KIAA2013: variants seen among roughly 807,000 people sequenced by gnomAD.
KIAA2013 encodes the protein uncharacterized protein KIAA2013.
KIAA2013 carries 20 observed loss-of-function variants against 39.9 expected under a neutral mutation model. That is an observed-to-expected ratio of 0.50 (90% CI 0.35 to 0.73). KIAA2013 has a LOEUF of 0.73. Ranked by LOEUF, KIAA2013 falls within the 30% of genes least tolerant of loss-of-function variation. The pLI is 0.01. For missense variants in KIAA2013, 587 were observed against 856.1 expected (o/e 0.69, Z 3.92); for synonymous variants, 336 against 416.6 (o/e 0.81, Z 2.35).
At position 11,925,633 on chromosome 1, in the gene KIAA2013, T is replaced by C; in HGVS notation, c.605A>G (p.Tyr202Cys). 4 of 1,609,272 alleles carry C rather than the reference T, an allele frequency of 2.5e-6. No homozygotes were observed. Among genetic ancestry groups the C allele is most frequent in the Non-Finnish European group, 3.4e-6 (4 of 1,179,296 alleles). ...FLAHRGRPHV[Y>C]LQRIQLNNPT... Reference sequence around the variant, plus strand: ...GTTGTTGAGCTGGATGCGCTGCAGGTAGACGTGGGGTCGGCCCCTGTGCGC... The same window carrying C: ...GTTGTTGAGCTGGATGCGCTGCAGGCAGACGTGGGGTCGGCCCCTGTGCGC... Residue 202 changes from tyrosine (Y) to cysteine (C), a missense_variant, in exon 1 of 3, where the codon TAC becomes TGC. Physicochemically the swap from Tyr to Cys is radical, Grantham distance 194 (BLOSUM62 -2). Transcript: ENST00000376572. This position sits in a 1 kb window ranked among gnomAD's most constrained non-coding sequence, Gnocchi z 5.2.
Position 11,923,248 on chromosome 1 carries a change from C to T in KIAA2013, c.1275G>A (p.Gln425=), listed in dbSNP as rs753473130. 1 of 1,613,720 alleles carries T rather than the reference C, an allele frequency of 6.2e-7. No homozygotes were observed. The highest frequency in any genetic ancestry group is 1.1e-5 in the South Asian group (1 of 91,048). ...GGGTCAGCCTCCACAGGTCAGAGAG[C>T]TGCAGGATCTGCTGGACGGAGGACA... ...GRLSSVQQIL[Q]LSDLWRLTLQ... is the part of the protein sequence containing the mutation. Residue 425 remains glutamine (Q), a synonymous_variant, in exon 2 of 3, where the codon CAG becomes CAA. Coordinates refer to ENST00000376572, the MANE Select transcript of KIAA2013 (RefSeq NM_138346.3). The surrounding 1 kb of genome is among the most constrained non-coding windows in gnomAD (Gnocchi z 4.6).
At position 11,926,172 on chromosome 1, in the gene KIAA2013, G is replaced by A. The variant is rs112019995; in HGVS notation, c.66C>T (p.Leu22=). Residue 22 remains leucine, a synonymous_variant, in exon 1 of 3, where the codon CTC becomes CTT. Coordinates refer to ENST00000376572, the MANE Select transcript of KIAA2013 (RefSeq NM_138346.3). ...GCAGCAGGAGGCCAAGCAGGCAGAG[G>A]AGGCGGCGGGCCCAGCTGCTCGACA... ...GLLSSSWARR[L]LCLLGLLLLL... 0.047 allele frequency: 65,845 copies of A among 1,391,440 alleles called. 1,780 individuals are homozygous for A. Among genetic ancestry groups the A allele is most frequent in the Middle Eastern group, 0.055 (205 of 3,748 alleles). The allele number at this position is 1,391,440 out of a possible 1,614,324, so 86.2% of individuals were successfully genotyped here.
Position 11,925,884 on chromosome 1 carries a change from C to T in KIAA2013, c.354G>A (p.Val118=). The T allele has an allele frequency of 6.5e-7, 1 of 1,527,608 alleles. No homozygotes were observed. Among genetic ancestry groups the T allele is most frequent in the Non-Finnish European group, 8.7e-7 (1 of 1,144,244 alleles). The allele number at this position is 1,527,608 out of a possible 1,614,324, so 94.6% of individuals were successfully genotyped here. ...WVTPGEREPA[V]APDFVPFVQL... ...GCACGAAGGGCACAAAGTCCGGCGC[C>T]ACGGCGGGCTCCCGCTCCCCGGGAG... The change falls in exon 1 of 3, where the codon GTG becomes GTA. Residue 118 remains valine, a synonymous_variant. Transcript: ENST00000376572. The surrounding 1 kb of genome is among the most constrained non-coding windows in gnomAD (Gnocchi z 5.2).
chr1:11,921,198 G>A (rs1377724999), intron 2 of KIAA2013, among the ~76,000 whole-genome samples: 1 of 152,154 alleles, frequency 6.6e-6, no homozygotes. Context: ...TTCTCCTGAG[G>A]AAGCACAGAA....
rs754851072 is a variant in KIAA2013 at position 11,925,505 on chromosome 1, G to A, written c.733C>T (p.Leu245Phe). ...GGCGGGGACCGGCCTGAGTAGAGGA[G>A]GAACTGATGGTCTCCGACCTTCTCC... The part of the protein sequence containing the change: ...TLEKVGDHQF[L>F]LYSGRSPPTP... Residue 245 changes from leucine (L) to phenylalanine (F), a missense_variant, in exon 1 of 3, where the codon CTC (leucine) becomes TTC (phenylalanine). Physicochemically the swap from Leu to Phe is conservative, Grantham distance 22. Transcript: ENST00000376572. The surrounding 1 kb of genome is among the most constrained non-coding windows in gnomAD (Gnocchi z 5.2). 2 of 1,605,376 alleles carry A rather than the reference G, an allele frequency of 1.2e-6. No individual in the cohort carries two copies. The highest frequency in any genetic ancestry group is 1.1e-5 in the South Asian group (1 of 90,562).
intron 2 of KIAA2013, 72 bp from the exon 3 acceptor site, chr1:11,920,404 A>G: frequency 6.7e-7 from 1 of 1,503,048 alleles, no homozygotes; most frequent in South Asian, 1.1e-5. Flanking sequence ...GAAATAGGCT[A>G]CGGAGACAAC....
In KIAA2013 at chr1:11,923,148, C is replaced by A. The variant is rs779817051; in HGVS notation, c.1375G>T (p.Gly459Trp). 2 of 1,612,346 alleles carry A rather than the reference C, an allele frequency of 1.2e-6. No homozygotes were observed. The highest frequency in any genetic ancestry group is 2.2e-5 in the East Asian group (1 of 44,870). ...GILQGMVLSF[G>W]GLQFTENHLQ... is the part of the protein sequence containing the mutation. ...TGGTTCTCTGTGAACTGCAGCCCCC[C>A]AAAGCTGAGCACCATCCCCTGCAGG... The change falls in exon 2 of 3, where the codon GGG becomes TGG. Residue 459 changes from glycine to tryptophan, a missense_variant. Gly to Trp is a radical substitution (Grantham distance 184, BLOSUM62 -2). Coordinates refer to ENST00000376572, the MANE Select transcript of KIAA2013 (RefSeq NM_138346.3). The surrounding 1 kb of genome is among the most constrained non-coding windows in gnomAD (Gnocchi z 4.6).
chr1:11,922,692 TGAAGAG>T lies in KIAA2013; in HGVS notation c.1825_1830del (p.Leu609_Phe610del). 1 of 1,613,740 alleles carries T rather than the reference TGAAGAG, an allele frequency of 6.2e-7. No homozygotes were observed. The highest frequency in any genetic ancestry group is 1.1e-5 in the South Asian group (1 of 91,000). On this transcript the variant is annotated inframe_deletion, in exon 2 of 3. Coordinates refer to ENST00000376572, the MANE Select transcript of KIAA2013 (RefSeq NM_138346.3). Reference sequence around the variant, plus strand: ...CCACAGTACTCGTTGTAGATGAGCTTGAAGAGGAAGAGGTGGAAGAGGGTGATTAGG... The same window carrying T: ...CCACAGTACTCGTTGTAGATGAGCTTGAAGAGGTGGAAGAGGGTGATTAGG...
chr1:11,924,351 A>G (rs1470003771), intron 1 of KIAA2013, among the ~76,000 whole-genome samples: 1 of 23,798 alleles, frequency 4.2e-5, no homozygotes, highest in African/African-American at 2.0e-4. Context: ...TCAGCCTCCC[A>G]AAGTGCTGGG....
At chr1:11,922,130 G>C (rs1158664160) in intron 2 of KIAA2013, 1 of 170,362 alleles carries the variant, frequency 5.9e-6, no homozygotes, top group African/African-American at 2.4e-5. Flanking sequence ...TTATAGGCAT[G>C]AGCCACCAGG....
intron 2 of KIAA2013, among the ~76,000 whole-genome samples, chr1:11,921,275 C>T (rs1645472861): frequency 6.6e-6 from 1 of 152,172 alleles, no homozygotes; most frequent in African/African-American, 2.4e-5. Context: ...AAGATGCTGC[C>T]CCGATGACAG....
rs1569638247 is a variant in KIAA2013, at chr1:11,925,165, G to A, written c.1033+40C>T. 1 of 1,509,676 alleles carries A rather than the reference G, an allele frequency of 6.6e-7. No homozygotes were observed. The highest frequency in any genetic ancestry group is 1.3e-5 in the South Asian group (1 of 75,510). The allele number at this position is 1,509,676 out of a possible 1,614,324, so 93.5% of individuals were successfully genotyped here. On this transcript the variant is annotated intron_variant, in intron 1 of 2. Transcript: ENST00000376572. This position sits in a 1 kb window ranked among gnomAD's most constrained non-coding sequence, Gnocchi z 5.2. ...AGTGTCACCTCTGCAGACTTGGGAG[G>A]GACATATCTAGGGTGGACCAAGCGC...
chr1:11,921,602 T>C (rs9787387), intron 2 of KIAA2013, among the ~76,000 whole-genome samples: 9,559 of 151,964 alleles, frequency 0.063, 370 homozygotes, highest in South Asian at 0.13. Flanking sequence ...CAGGCTGGAG[T>C]GCACTGGCAT....
At chr1:11,922,332 G>A (rs1645479372) in intron 2 of KIAA2013, 2 of 1,415,568 alleles carry the variant, frequency 1.4e-6, no homozygotes, top group Admixed American at 2.9e-5. Context: ...TGGGACTACA[G>A]GCACAAGCCA....
rs938934830 is a variant in KIAA2013, at chr1:11,923,629, T to C, written c.1034-140A>G. On this transcript the variant is annotated intron_variant, in intron 1 of 2. Transcript: ENST00000376572. The surrounding 1 kb of genome is among the most constrained non-coding windows in gnomAD (Gnocchi z 4.6). ...CAGTGGTGCCCATCTCCCTAAAGTA[T>C]AGAAGAAAGTCAGCCTGTCTTGTTT... The C allele has an allele frequency of 2.2e-6, 2 of 891,210 alleles. No homozygotes were observed. The highest frequency in any genetic ancestry group is 3.4e-5 in the African/African-American group (2 of 59,302). 55.2% of individuals were successfully genotyped at this position (891,210 alleles called of 1,614,324 possible). A position where few individuals can be genotyped will look rare whatever the true frequency, so the allele number is the denominator to read the frequency against.
In KIAA2013 at chr1:11,925,818, C is replaced by A. The variant is rs751062623; in HGVS notation, c.420G>T (p.Ala140=). The A allele has an allele frequency of 7.8e-6, 12 of 1,540,108 alleles. No individual in the cohort carries two copies. In the Admixed American group the frequency reaches 2.1e-4, roughly 27 times the overall value. ...GAAGCCCCTCCCGCAGCAGCAGCAC[C>A]GCCTCTCCAGCTTCAGCCAGCGCGC... ...PLSALAEAGE[A]VLLLREGLLR... Residue 140 remains alanine, a synonymous_variant, in exon 1 of 3, where the codon GCG becomes GCT. Coordinates refer to ENST00000376572, the MANE Select transcript of KIAA2013 (RefSeq NM_138346.3). This position sits in a 1 kb window ranked among gnomAD's most constrained non-coding sequence, Gnocchi z 5.2.
At position 11,923,027 on chromosome 1, in the gene KIAA2013, G is replaced by A. The variant is rs371117345; in HGVS notation, c.1496C>T (p.Ala499Val). 8.7e-6 allele frequency: 14 copies of A among 1,610,860 alleles called. No homozygotes were observed. Among genetic ancestry groups the A allele is most frequent in the African/African-American group, 4.0e-5 (3 of 74,892 alleles). The change falls in exon 2 of 3, where the codon GCG (alanine) becomes GTG (valine). Residue 499 changes from alanine (A) to valine (V), a missense_variant. Coordinates refer to ENST00000376572, the MANE Select transcript of KIAA2013 (RefSeq NM_138346.3). The surrounding 1 kb of genome is among the most constrained non-coding windows in gnomAD (Gnocchi z 4.6). ...KNDHINLAVL[A>V]DAEGKPYLHV... ...TAGGTAGGGCTTGCCCTCGGCATCCGCCAGCACGGCCAGGTTGATATGGTC... is the reference window on the plus strand; with the variant it reads ...TAGGTAGGGCTTGCCCTCGGCATCCACCAGCACGGCCAGGTTGATATGGTC...
chr1:11,922,713 G>A lies in KIAA2013; in HGVS notation c.1810C>T (p.Leu604Phe). 1 of 1,613,802 alleles carries A rather than the reference G, an allele frequency of 6.2e-7. No homozygotes were observed. Among genetic ancestry groups the A allele is most frequent in the Non-Finnish European group, 8.5e-7 (1 of 1,179,874 alleles). Residue 604 changes from leucine to phenylalanine, a missense_variant, in exon 2 of 3, where the codon CTC (leucine) becomes TTC (phenylalanine). Leu to Phe is a conservative substitution (Grantham distance 22, BLOSUM62 0). Transcript: ENST00000376572. ...AGCTTGAAGAGGAAGAGGTGGAAGAGGGTGATTAGGGAGGCCACGCTGAAC... is the reference window on the plus strand; with the variant it reads ...AGCTTGAAGAGGAAGAGGTGGAAGAAGGTGATTAGGGAGGCCACGCTGAAC... ...FWFSVASLIT[L>F]FHLFLFKLIY...
rs1645500289 is a variant in KIAA2013 at position 11,925,463 on chromosome 1, C to T, written c.775G>A (p.Val259Met). ...TTGGCGGCCACCACCACCAGGTGCA[C>T]CAACCCAGTGGGCGTAGGCGGGGAC... ...GRSPPTPTGL[V>M]HLVVVAAKKL... is the part of the protein sequence containing the mutation. Residue 259 changes from valine (V) to methionine (M), a missense_variant, in exon 1 of 3, where the codon GTG becomes ATG. By Grantham distance (21) the Val-to-Met change is conservative. Transcript: ENST00000376572. This position sits in a 1 kb window ranked among gnomAD's most constrained non-coding sequence, Gnocchi z 5.2. 1.2e-6 allele frequency: 2 copies of T among 1,610,774 alleles called. No individual in the cohort carries two copies. Among genetic ancestry groups the T allele is most frequent in the East Asian group, 2.2e-5 (1 of 44,868 alleles).
Sources: allele counts gnomAD v4.1 joint callset (sites outside exome capture counted in the v4.1 genomes callset), GRCh38; gene constraint gnomAD v4.1.1; non-coding constraint Gnocchi (gnomAD v3.1); transcripts MANE v1.5; gene names NCBI Gene and HGNC (gene_info 2026-07-23, HGNC 2026-07-21).